The following ABI3BP variants were observed in gnomAD, a reference collection of about 807,000 sequenced individuals.
ABI3BP encodes the protein ABI family member 3 binding protein.
In ABI3BP, 216 loss-of-function variants were observed where a neutral mutation model predicts 268.6. That is an observed-to-expected ratio of 0.80 (90% CI 0.72 to 0.90). The LOEUF (loss-of-function observed/expected upper bound fraction) is 0.90, where lower values mean the gene tolerates loss of function less well. Among genes scored for constraint, ABI3BP ranks in the 40% least tolerant of loss-of-function variants. The probability of loss-of-function intolerance (pLI) is 0.00; values close to 1 mark genes in which losing one functional copy is unlikely to be tolerated. For synonymous variants in ABI3BP, 730 were observed against 730.0 expected, an observed-to-expected ratio of 1.00 and a Z score of 0.00; for missense variants, 2,090 against 2,182.4, an observed-to-expected ratio of 0.96 and a Z score of 0.84.
At chr3:100,851,752 T>C in intron 15 of ABI3BP, 123 bp downstream of exon 15, 1 of 742,048 alleles carries the variant, frequency 1.3e-6, no homozygotes. Context: ...CTGACACAGG[T>C]AGAAATTTCT....
At chr3:100,893,162 C>T (rs2045576541) in intron 4 of ABI3BP, among the ~76,000 whole-genome samples, 1 of 152,166 alleles carries the variant, frequency 6.6e-6, no homozygotes, top group South Asian at 2.1e-4. Context: ...TCCCCTCAAA[C>T]ATCAGACTTC....
rs138308125 is a variant in ABI3BP, at chr3:100,866,081, C to T, written c.988+798G>A. On this transcript the variant is annotated intron_variant, in intron 10 of 67. Coordinates refer to ENST00000471714, the MANE Select transcript of ABI3BP (RefSeq NM_001375547.2). ...ACTTTTATCTTCTCTGGACCAGTTA[C>T]GAGTCCAGAAGTTTAGTAAAAGGTA... Among the ~76,000 whole-genome samples, 87 of 152,266 alleles carry T rather than the reference C, an allele frequency of 5.7e-4. 1 individual carries two copies. The East Asian group carries it at 0.014, about 24-fold the overall frequency.
intron 61 of ABI3BP, among the ~76,000 whole-genome samples, chr3:100,772,672 G>C (rs552934429): frequency 5.9e-5 from 9 of 152,126 alleles, no homozygotes; most frequent in African/African-American, 2.2e-4. Flanking sequence ...GATTGACAAA[G>C]AGGAAAAAAG....
At chr3:100,963,095 T>C (rs919184434) in intron 1 of ABI3BP, among the ~76,000 whole-genome samples, 1 of 152,182 alleles carries the variant, frequency 6.6e-6, no homozygotes, top group African/African-American at 2.4e-5. Flanking sequence ...GGTCAAGTAC[T>C]GTACATATAT....
At chr3:100,779,627 C>CTCT (rs2096809515) in intron 58 of ABI3BP, among the ~76,000 whole-genome samples, 2 of 152,004 alleles carry the variant, frequency 1.3e-5, no homozygotes, top group African/African-American at 4.8e-5. Context: ...CTCTCTCTCT[C>CTCT]TCTCTATGTG....
intron 51 of ABI3BP, among the ~76,000 whole-genome samples, chr3:100,801,951 G>T (rs746362596): frequency 9.9e-5 from 15 of 152,092 alleles, no homozygotes; most frequent in Non-Finnish European, 1.3e-4. Flanking sequence ...GACTATATCA[G>T]AAAAAATACA....
intron 63 of ABI3BP, among the ~76,000 whole-genome samples, chr3:100,762,151 C>T (rs1462271886): frequency 6.6e-6 from 1 of 151,894 alleles, no homozygotes; most frequent in Non-Finnish European, 1.5e-5. Flanking sequence ...GCATCCTGTA[C>T]ATACTTCCTC....
At chr3:100,787,079 A>G (rs1331045472) in intron 57 of ABI3BP, among the ~76,000 whole-genome samples, 1 of 152,140 alleles carries the variant, frequency 6.6e-6, no homozygotes, top group African/African-American at 2.4e-5. Context: ...ATACAATTCT[A>G]TGTTAAGGCA....
At chr3:100,790,895 C>T (rs1339950904) in intron 55 of ABI3BP, among the ~76,000 whole-genome samples, 1 of 151,860 alleles carries the variant, frequency 6.6e-6, no homozygotes, top group Non-Finnish European at 1.5e-5. Context: ...TGAGAGTAGA[C>T]CACAGAAATA....
At chr3:100,967,963 T>G (rs540928688) in intron 1 of ABI3BP, among the ~76,000 whole-genome samples, 113 of 152,284 alleles carry the variant, frequency 7.4e-4, no homozygotes, top group Non-Finnish European at 6.3e-4. Flanking sequence ...ACTGCCTTTT[T>G]AAATTCACTG....
At chr3:100,938,035 G>A (rs57194842) in intron 1 of ABI3BP, among the ~76,000 whole-genome samples, 27,120 of 151,902 alleles carry the variant, frequency 0.18, 2,465 homozygotes, top group East Asian at 0.23. Context: ...CTTGGTAAAC[G>A]AACACAAGAA....
intron 9 of ABI3BP, among the ~76,000 whole-genome samples, chr3:100,871,547 C>T (rs1337533357): frequency 2.0e-5 from 3 of 152,106 alleles, no homozygotes; most frequent in African/African-American, 4.8e-5. Context: ...ATGCTATTCT[C>T]GTGATAGTGA....
intron 2 of ABI3BP, among the ~76,000 whole-genome samples, chr3:100,920,936 A>T (rs1045196255): frequency 6.6e-6 from 1 of 152,168 alleles, no homozygotes; most frequent in Non-Finnish European, 1.5e-5. Flanking sequence ...TCAAGTGAAG[A>T]CTGATCTTTC....
intron 4 of ABI3BP, among the ~76,000 whole-genome samples, chr3:100,889,095 ACAT>A (rs1263426299): frequency 6.6e-6 from 1 of 152,120 alleles, no homozygotes. Context: ...ATTTTGCAAC[ACAT>A]CATTGCATAA....
chr3:100,984,261 T>C (rs2090846793), intron 1 of ABI3BP, among the ~76,000 whole-genome samples: 1 of 152,208 alleles, frequency 6.6e-6, no homozygotes, highest in Admixed American at 6.5e-5. Context: ...ATTAAATATA[T>C]TGGGCTATAG....
chr3:100,842,336 A>G (rs1157754568), intron 20 of ABI3BP, among the ~76,000 whole-genome samples: 1 of 152,184 alleles, frequency 6.6e-6, no homozygotes, highest in East Asian at 1.9e-4. Flanking sequence ...GAGGTTGTTC[A>G]GAGTGTCCTG....
At chr3:100,876,237 A>G (rs896003110) in intron 7 of ABI3BP, among the ~76,000 whole-genome samples, 2 of 152,192 alleles carry the variant, frequency 1.3e-5, no homozygotes, top group Non-Finnish European at 2.9e-5. Context: ...GCAAAGCTCC[A>G]CATATTTAAC....
chr3:100,993,093 T>C (rs1345497020), intron 1 of ABI3BP, among the ~76,000 whole-genome samples: 1 of 152,208 alleles, frequency 6.6e-6, no homozygotes, highest in Non-Finnish European at 1.5e-5. Context: ...ATAAGTTTGT[T>C]TTCATTTTTG....
At chr3:100,944,516 C>T (rs1446251143) in intron 1 of ABI3BP, among the ~76,000 whole-genome samples, 1 of 152,036 alleles carries the variant, frequency 6.6e-6, no homozygotes, top group African/African-American at 2.4e-5. Flanking sequence ...AAACACTGTT[C>T]CAGGGAGCAA....
Sources: allele counts gnomAD v4.1 joint callset (sites outside exome capture counted in the v4.1 genomes callset), GRCh38; gene constraint gnomAD v4.1.1; transcripts MANE v1.5; gene names NCBI Gene and HGNC (gene_info 2026-07-23, HGNC 2026-07-21).